Variants in ERVMER34-1 observed in about 807,000 individuals in gnomAD.
ERVMER34-1 encodes the protein endogenous retrovirus group MER34 member 1, envelope.
For missense variants in ERVMER34-1, 471 were observed against 295.1 expected (o/e 1.60, Z -4.37); for synonymous variants, 199 against 111.7 (o/e 1.78, Z -4.93).
At position 52,744,533 on chromosome 4, in the gene ERVMER34-1, G is replaced by T. The variant is rs1286833804; in HGVS notation, c.988C>A (p.Leu330Ile). 4 of 703,856 alleles carry T rather than the reference G, an allele frequency of 5.7e-6. No individual in the cohort carries two copies. In the African/African-American group the frequency reaches 7.0e-5, roughly 12 times the overall value. 43.6% of individuals were successfully genotyped at this position (703,856 alleles called of 1,614,324 possible). The change falls in exon 3 of 3, where the codon CTC becomes ATC. Residue 330 changes from leucine (L) to isoleucine (I), a missense_variant. Coordinates refer to ENST00000443173, the MANE Select transcript of ERVMER34-1 (RefSeq NM_001242690.2). The part of the protein sequence containing the change: ...GYLVPSLTRY[L>I]TLNASQITNL... ...GTAATTTGGCTAGCATTTAAGGTGAGGTATCTGGTGAGGGAAGGTACAAGA... is the reference window on the plus strand; with the variant it reads ...GTAATTTGGCTAGCATTTAAGGTGATGTATCTGGTGAGGGAAGGTACAAGA...
In ERVMER34-1 at chr4:52,745,026, T is replaced by G. The variant is rs766321401; in HGVS notation, c.495A>C (p.Thr165=). 1.4e-6 allele frequency: 1 copy of G among 704,196 alleles called. No homozygotes were observed. The highest frequency in any genetic ancestry group is 1.5e-5 in the South Asian group (1 of 67,600). 43.6% of individuals were successfully genotyped at this position (704,196 alleles called of 1,614,324 possible). A position where few individuals can be genotyped will look rare whatever the true frequency, so the allele number is the denominator to read the frequency against. Reference sequence around the variant, plus strand: ...CATCATCATCGTTCCTGGATTCATTTGTAACATCTATAGAGGGCATGAAGG... The same window carrying G: ...CATCATCATCGTTCCTGGATTCATTGGTAACATCTATAGAGGGCATGAAGG... ...DGTFMPSIDV[T]NESRNDDDDT... is the part of the protein sequence containing the mutation. Residue 165 remains threonine, a synonymous_variant, in exon 3 of 3, where the codon ACA becomes ACC. Transcript: ENST00000443173.
Position 52,744,719 on chromosome 4 carries a change from T to C in ERVMER34-1, c.802A>G (p.Thr268Ala), listed in dbSNP as rs1332527889. 2 of 704,016 alleles carry C rather than the reference T, an allele frequency of 2.8e-6. No individual in the cohort carries two copies. Among genetic ancestry groups the C allele is most frequent in the Non-Finnish European group, 5.2e-6 (2 of 385,006 alleles). The allele number at this position is 704,016 out of a possible 1,614,324, so 43.6% of individuals were successfully genotyped here. The change falls in exon 3 of 3, where the codon ACT becomes GCT. Residue 268 changes from threonine to alanine, a missense_variant. Transcript: ENST00000443173. ...GKWRCADASI[T>A]NDKGHDGHRT... is the part of the protein sequence containing the mutation. Reference sequence around the variant, plus strand: ...TGTCCATCATGACCTTTGTCATTAGTTATGCTGGCATCTGCACATCTCCAT... The same window carrying C: ...TGTCCATCATGACCTTTGTCATTAGCTATGCTGGCATCTGCACATCTCCAT...
In ERVMER34-1 at chr4:52,744,846, A is replaced by T. The variant is rs1047596319; in HGVS notation, c.675T>A (p.Asn225Lys). 1.4e-6 allele frequency: 1 copy of T among 704,146 alleles called. No individual in the cohort carries two copies. Among genetic ancestry groups the T allele is most frequent in the Admixed American group, 2.0e-5 (1 of 50,024 alleles). The allele number at this position is 704,146 out of a possible 1,614,324, so 43.6% of individuals were successfully genotyped here. ...DRNSGLTWSG[N>K]DTCLYSCQNQ... ...TTTGGCAGCTATAGAGACAGGTGTCATTACCTGACCAGGTCAATCCAGAAT... is the reference window on the plus strand; with the variant it reads ...TTTGGCAGCTATAGAGACAGGTGTCTTTACCTGACCAGGTCAATCCAGAAT... Residue 225 changes from asparagine to lysine, a missense_variant, in exon 3 of 3, where the codon AAT (asparagine) becomes AAA (lysine). Coordinates refer to ENST00000443173, the MANE Select transcript of ERVMER34-1 (RefSeq NM_001242690.2).
intron 2 of ERVMER34-1, among the ~76,000 whole-genome samples, chr4:52,750,300 C>G (rs1168128123): frequency 1.3e-5 from 2 of 152,114 alleles, no homozygotes; most frequent in East Asian, 1.9e-4. Flanking sequence ...CGCCCTACCC[C>G]CCCATAGATT....
chr4:52,747,100 G>A (rs539484609), intron 2 of ERVMER34-1, among the ~76,000 whole-genome samples: 1 of 152,018 alleles, frequency 6.6e-6, no homozygotes, highest in Admixed American at 6.6e-5. Flanking sequence ...ATGGTGGTGT[G>A]CGCCTGTGGT....
At chr4:52,748,092 T>TA (rs945052157) in intron 2 of ERVMER34-1, 17 of 165,052 alleles carry the variant, frequency 1.0e-4, no homozygotes, top group Non-Finnish European at 2.2e-4. Context: ...CAGGGAGTAG[T>TA]AGCAAACCCT....
intron 2 of ERVMER34-1, among the ~76,000 whole-genome samples, chr4:52,749,526 G>C (rs977801345): frequency 6.6e-6 from 1 of 152,158 alleles, no homozygotes; most frequent in African/African-American, 2.4e-5. Context: ...TCTGGGCCGG[G>C]TGTGGTGGCT....
rs1716045316 is a variant in ERVMER34-1 at position 52,742,611 on chromosome 4, T to C, written c.*1218A>G. 3 of 152,160 alleles carry C rather than the reference T, an allele frequency of 2.0e-5. No homozygotes were observed. In the South Asian group the frequency reaches 6.2e-4, roughly 32 times the overall value. 9.4% of individuals were successfully genotyped at this position (152,160 alleles called of 1,614,324 possible). On this transcript the variant is annotated 3_prime_UTR_variant, in exon 3 of 3. Transcript: ENST00000443173. Reference sequence around the variant, plus strand: ...TACACATATACATATCATTTCCCCTTTTTTAAAATAAAAAGTAACATACGA... The same window carrying C: ...TACACATATACATATCATTTCCCCTCTTTTAAAATAAAAAGTAACATACGA...
chr4:52,743,898 A>C lies in ERVMER34-1; in HGVS notation c.1623T>G (p.Thr541=). ...TTGCCCTATTTGAAACTTGACATGA[A>C]GTTTCACTGACAAGGAGCTGTGCTG... The part of the protein sequence containing the change: ...QQSAQLLVSE[T]SCQVSNRAMK... The change falls in exon 3 of 3, where the codon ACT becomes ACG. Residue 541 remains threonine (T), a synonymous_variant. Transcript: ENST00000443173. The C allele has an allele frequency of 6.8e-7, 1 of 1,479,710 alleles. No individual in the cohort carries two copies. The highest frequency in any genetic ancestry group is 9.1e-7 in the Non-Finnish European group (1 of 1,095,774). 91.7% of individuals were successfully genotyped at this position (1,479,710 alleles called of 1,614,324 possible).
intron 2 of ERVMER34-1, among the ~76,000 whole-genome samples, chr4:52,746,947 G>T (rs569089364): frequency 6.6e-6 from 1 of 152,202 alleles, no homozygotes; most frequent in South Asian, 2.1e-4. Context: ...TCCAGCTGAG[G>T]GCCGGGCACG....
Position 52,742,746 on chromosome 4 carries a change from G to A in ERVMER34-1, c.*1083C>T, listed in dbSNP as rs141563541. On this transcript the variant is annotated 3_prime_UTR_variant, in exon 3 of 3. Transcript: ENST00000443173. ...ATCCTGGCTAACACGGTGAAACCCCGTCTCTACTAAAAACACAAAAAATTA... is the reference window on the plus strand; with the variant it reads ...ATCCTGGCTAACACGGTGAAACCCCATCTCTACTAAAAACACAAAAAATTA... 1,846 of 152,000 alleles carry A rather than the reference G, an allele frequency of 0.012. 18 individuals carry two copies. Among genetic ancestry groups the A allele is most frequent in the Non-Finnish European group, 0.02 (1,390 of 68,086 alleles). 9.4% of individuals were successfully genotyped at this position (152,000 alleles called of 1,614,324 possible). A position where few individuals can be genotyped will look rare whatever the true frequency, so the allele number is the denominator to read the frequency against.
Position 52,743,992 on chromosome 4 carries a change from C to A in ERVMER34-1, c.1529G>T (p.Arg510Leu), listed in dbSNP as rs1023887819. ...CLFIFVLIYV[R>L]VFRKSRRSLN... Reference sequence around the variant, plus strand: ...GGATCTGCGAGATTTGCGAAAGACACGAACATAGATTAAAACAAAGATGAA... The same window carrying A: ...GGATCTGCGAGATTTGCGAAAGACAAGAACATAGATTAAAACAAAGATGAA... The change falls in exon 3 of 3, where the codon CGT (arginine) becomes CTT (leucine). Residue 510 changes from arginine (R) to leucine (L), a missense_variant. Transcript: ENST00000443173. The A allele has an allele frequency of 2.7e-6, 2 of 737,240 alleles. No homozygotes were observed. Among genetic ancestry groups the A allele is most frequent in the South Asian group, 1.5e-5 (1 of 68,238 alleles). 45.7% of individuals were successfully genotyped at this position (737,240 alleles called of 1,614,324 possible). A position where few individuals can be genotyped will look rare whatever the true frequency, so the allele number is the denominator to read the frequency against.
intron 2 of ERVMER34-1, among the ~76,000 whole-genome samples, chr4:52,749,337 T>G (rs188738915): frequency 6.6e-6 from 1 of 152,122 alleles, no homozygotes; most frequent in East Asian, 1.9e-4. Context: ...CATAAAAGAG[T>G]GCCTTTCTAC....
chr4:52,747,513 G>A (rs1161094427), intron 2 of ERVMER34-1, among the ~76,000 whole-genome samples: 3 of 152,152 alleles, frequency 2.0e-5, no homozygotes, highest in African/African-American at 4.8e-5. Context: ...CCAATCCTAA[G>A]CTGTTCACCC....
At chr4:52,747,101 C>A (rs919667548) in intron 2 of ERVMER34-1, among the ~76,000 whole-genome samples, 2 of 151,846 alleles carry the variant, frequency 1.3e-5, no homozygotes, top group African/African-American at 4.8e-5. Context: ...TGGTGGTGTG[C>A]GCCTGTGGTC....
chr4:52,745,632 G>C lies in ERVMER34-1; in HGVS notation c.-112C>G. 1 of 621,072 alleles carries C rather than the reference G, an allele frequency of 1.6e-6. No homozygotes were observed. The highest frequency in any genetic ancestry group is 1.8e-5 in the African/African-American group (1 of 54,598). The allele number at this position is 621,072 out of a possible 1,614,324, so 38.5% of individuals were successfully genotyped here. On this transcript the variant is annotated 5_prime_UTR_variant, in exon 3 of 3. Transcript: ENST00000443173. Reference sequence around the variant, plus strand: ...TCAGAGAATTTTCCAGGTTGAGGAGGGAAGATGTTTCAGCTAGTTGGAGAT... The same window carrying C: ...TCAGAGAATTTTCCAGGTTGAGGAGCGAAGATGTTTCAGCTAGTTGGAGAT...
In ERVMER34-1 at chr4:52,744,739, C is replaced by T. The variant is rs192012591; in HGVS notation, c.782G>A (p.Arg261Lys). Residue 261 changes from arginine (R) to lysine (K), a missense_variant, in exon 3 of 3, where the codon AGA becomes AAA. Physicochemically the swap from Arg to Lys is conservative, Grantham distance 26. Transcript: ENST00000443173. ...YGLTEAHGKW[R>K]CADASITNDK... ...ATTAGTTATGCTGGCATCTGCACATCTCCATTTCCCATGTGCCTCTGTCAG... is the reference window on the plus strand; with the variant it reads ...ATTAGTTATGCTGGCATCTGCACATTTCCATTTCCCATGTGCCTCTGTCAG... 1.4e-6 allele frequency: 1 copy of T among 704,176 alleles called. No individual in the cohort carries two copies. The highest frequency in any genetic ancestry group is 2.7e-5 in the East Asian group (1 of 37,296). The allele number at this position is 704,176 out of a possible 1,614,324, so 43.6% of individuals were successfully genotyped here.
Position 52,744,272 on chromosome 4 carries a change from C to T in ERVMER34-1, c.1249G>A (p.Ala417Thr), listed in dbSNP as rs1453760048. Residue 417 changes from alanine to threonine, a missense_variant, in exon 3 of 3, where the codon GCC (alanine) becomes ACC (threonine). Transcript: ENST00000443173. The stretch of plus-strand genomic sequence containing the variant: ...ACATGATCCTTTCGGGATGCAGAGG[C>T]TAAACTGCTAACTTTTGATTGGTGT... ...EAHQSKVSSL[A>T]SASRKDHVLD... is the part of the protein sequence containing the mutation. 1.4e-6 allele frequency: 1 copy of T among 704,008 alleles called. No homozygotes were observed. The highest frequency in any genetic ancestry group is 2.6e-6 in the Non-Finnish European group (1 of 385,016). The allele number at this position is 704,008 out of a possible 1,614,324, so 43.6% of individuals were successfully genotyped here.
chr4:52,747,659 C>A (rs1716186286), intron 2 of ERVMER34-1, among the ~76,000 whole-genome samples: 1 of 152,208 alleles, frequency 6.6e-6, no homozygotes, highest in African/African-American at 2.4e-5. Flanking sequence ...AGGCCCGAAT[C>A]TGGCTCTCTT....
Sources: gnomAD v4.1 joint callset for allele counts (sites outside exome capture counted in the v4.1 genomes callset) on GRCh38, gnomAD v4.1.1 for gene constraint, MANE v1.5 for transcripts, NCBI Gene and HGNC (gene_info 2026-07-23, HGNC 2026-07-21) for gene names.